Variants in PHACTR2 observed in about 807,000 individuals in gnomAD.
The protein encoded by PHACTR2 is chromosome 6 open reading frame 56.
Under a neutral mutation model 76.0 loss-of-function variants are expected in PHACTR2, and 30 were observed. That is an observed-to-expected ratio of 0.39 (90% CI 0.30 to 0.54). The LOEUF (loss-of-function observed/expected upper bound fraction) is 0.54. PHACTR2 is among the 20% of genes least tolerant of loss of function. The pLI is 0.61. For missense variants in PHACTR2, 696 were observed against 781.1 expected, an observed-to-expected ratio of 0.89 and a Z score of 1.30; for synonymous variants, 292 against 292.5, an observed-to-expected ratio of 1.00 and a Z score of 0.02.
intron 1 of PHACTR2, among the ~76,000 whole-genome samples, chr6:143,706,879 A>G (rs1329107149): frequency 1.3e-5 from 2 of 152,198 alleles, no homozygotes; most frequent in Non-Finnish European, 2.9e-5. Context: ...GGCTTATACC[A>G]TCAGTTCACC....
At chr6:143,694,195 G>C (rs930742550) in intron 1 of PHACTR2, among the ~76,000 whole-genome samples, 2 of 144,678 alleles carry the variant, frequency 1.4e-5, no homozygotes, top group East Asian at 4.1e-4. Context: ...GAGGGAGGGA[G>C]GAAAGGAAGG....
In PHACTR2 at chr6:143,760,668, G is replaced by T. The variant is rs1247137825; in HGVS notation, c.694+28G>T. 1.2e-6 allele frequency: 2 copies of T among 1,612,272 alleles called. No individual in the cohort carries two copies. The highest frequency in any genetic ancestry group is 1.7e-6 in the Non-Finnish European group (2 of 1,179,152). On this transcript the variant is annotated intron_variant, in intron 5 of 12. Coordinates refer to ENST00000440869, the MANE Select transcript of PHACTR2 (RefSeq NM_001100164.2). The surrounding 1 kb of genome is among the most constrained non-coding windows in gnomAD (Gnocchi z 6.4). ...GAGTATGCCCCCAGTGCCCTGTGGG[G>T]TCACTTCTAGGGTGCTTGGCTCTGG...
chr6:143,781,980 C>T (rs1174302852), intron 9 of PHACTR2, among the ~76,000 whole-genome samples: 2 of 152,124 alleles, frequency 1.3e-5, no homozygotes, highest in East Asian at 1.9e-4. Context: ...AGAAGGAAAA[C>T]TGATAGAGAA....
At chr6:143,769,932 G>A (rs1371807542) in intron 6 of PHACTR2, among the ~76,000 whole-genome samples, 3 of 152,082 alleles carry the variant, frequency 2.0e-5, no homozygotes, top group Admixed American at 1.3e-4. Context: ...TCACACTGTG[G>A]AAAACAGTAT....
chr6:143,788,978 C>T (rs1470509217), intron 11 of PHACTR2, 68 bp downstream of exon 11: 4 of 1,433,114 alleles, frequency 2.8e-6, no homozygotes, highest in Non-Finnish European at 3.9e-6. Flanking sequence ...CCACATCCCC[C>T]CTACTTAAGT....
At chr6:143,604,042 G>T (rs149345341), upstream of PHACTR2, among the ~76,000 whole-genome samples, 1,590 of 149,142 alleles carry the variant, frequency 0.011, 27 homozygotes, top group African/African-American at 0.037. Flanking sequence ...AGGTTGCAGT[G>T]AGCCGAGATC....
At position 143,678,292 on chromosome 6, in the gene PHACTR2, G is replaced by C. The variant is rs1367965975; in HGVS notation, c.46+83G>C. ...GGCCCCGGGGCAGGCAGGGTTAGTC[G>C]TCTGGTCGGGTTCCGCTCGGACCCG... On this transcript the variant is annotated intron_variant, in intron 1 of 12. Coordinates refer to ENST00000440869, the MANE Select transcript of PHACTR2 (RefSeq NM_001100164.2). This position sits in a 1 kb window ranked among gnomAD's most constrained non-coding sequence, Gnocchi z 6.2. 1.6e-6 allele frequency: 2 copies of C among 1,286,490 alleles called. No homozygotes were observed. Among genetic ancestry groups the C allele is most frequent in the Non-Finnish European group, 2.0e-6 (2 of 984,606 alleles). 79.7% of individuals were successfully genotyped at this position (1,286,490 alleles called of 1,614,324 possible).
In PHACTR2 at chr6:143,623,577, A is replaced by T. The variant is rs1166189967; in HGVS notation, c.13+15255A>T. 2.0e-5 allele frequency among the ~76,000 whole-genome samples: 3 copies of T among 152,078 alleles called. No individual in the cohort carries two copies. The highest frequency in any genetic ancestry group is 6.6e-5 in the Admixed American group (1 of 15,262). ...GCAACAGAGTGAGACTCTGACTCGA[A>T]ATAATAATAATAGTAATAATAATAA... On this transcript the variant is annotated intron_variant, in intron 1 of 11. Coordinates refer to the PHACTR2 transcript ENST00000305766. This position sits in a 1 kb window ranked among gnomAD's most constrained non-coding sequence, Gnocchi z 5.9.
In PHACTR2 at chr6:143,764,415, G is replaced by A. The variant is rs1366450339; in HGVS notation, c.695-846G>A. On this transcript the variant is annotated intron_variant, in intron 5 of 12. Coordinates refer to ENST00000440869, the MANE Select transcript of PHACTR2 (RefSeq NM_001100164.2). This position sits in a 1 kb window ranked among gnomAD's most constrained non-coding sequence, Gnocchi z 4.7. ...ACACACCTGTAGTCCCAGCTACTCA[G>A]GAGGCTAAGGCAGGAGGATCACTTG... 6.6e-6 allele frequency among the ~76,000 whole-genome samples: 1 copy of A among 151,930 alleles called. No homozygotes were observed. Among genetic ancestry groups the A allele is most frequent in the African/African-American group, 2.4e-5 (1 of 41,328 alleles).
rs1481880046 is a variant in PHACTR2 at position 143,829,542 on chromosome 6, A to G, written c.*5853A>G. The G allele has an allele frequency of 2.0e-5, 3 of 152,244 alleles. No homozygotes were observed. The highest frequency in any genetic ancestry group is 2.9e-5 in the Non-Finnish European group (2 of 68,030). 9.4% of individuals were successfully genotyped at this position (152,244 alleles called of 1,614,324 possible). The stretch of plus-strand genomic sequence containing the variant: ...AAAATGTGGATTAACTGTGGGTTGC[A>G]TGCCTGTTGTTCATACTTCAGTGAT... On this transcript the variant is annotated 3_prime_UTR_variant, in exon 13 of 13. Coordinates refer to ENST00000440869, the MANE Select transcript of PHACTR2 (RefSeq NM_001100164.2).
intron 11 of PHACTR2, among the ~76,000 whole-genome samples, chr6:143,797,527 A>C (rs1204073313): frequency 6.6e-6 from 1 of 152,164 alleles, no homozygotes; most frequent in East Asian, 1.9e-4. Context: ...GTTTTCTTCT[A>C]GGATTTTTAT....
At position 143,648,436 on chromosome 6, in the gene PHACTR2, G is replaced by T. The variant is rs192456436; in HGVS notation, c.13+40114G>T. 1.7e-3 allele frequency among the ~76,000 whole-genome samples: 255 copies of T among 152,270 alleles called. 1 individual carries two copies. The highest frequency in any genetic ancestry group is 5.9e-3 in the African/African-American group (244 of 41,550). On this transcript the variant is annotated intron_variant, in intron 1 of 11. Transcript: ENST00000305766. The surrounding 1 kb of genome is among the most constrained non-coding windows in gnomAD (Gnocchi z 6.7). ...GTAGAAAATGGATCTGACTGTCTCT[G>T]CACTGGGAGTCCCTGGGAGGGGGGG...
chr6:143,729,632 T>C (rs745358602), intron 2 of PHACTR2, among the ~76,000 whole-genome samples: 12 of 152,188 alleles, frequency 7.9e-5, no homozygotes, highest in Non-Finnish European at 1.8e-4. Flanking sequence ...GTTTTAAAAA[T>C]CAATAAGCAT....
chr6:143,743,267 G>T lies in PHACTR2; in HGVS notation c.215-5718G>T, dbSNP rs1341565704. On this transcript the variant is annotated intron_variant, in intron 2 of 12. Coordinates refer to ENST00000440869, the MANE Select transcript of PHACTR2 (RefSeq NM_001100164.2). The surrounding 1 kb of genome is among the most constrained non-coding windows in gnomAD (Gnocchi z 5.0). The stretch of plus-strand genomic sequence containing the variant: ...ACCGCAGATGTTTAGGAAATGGCAA[G>T]AAGTAAAGTTTGACTTTAACACCAG... Among the ~76,000 whole-genome samples, 1 of 152,208 alleles carries T rather than the reference G, an allele frequency of 6.6e-6. No individual in the cohort carries two copies. Among genetic ancestry groups the T allele is most frequent in the Non-Finnish European group, 1.5e-5 (1 of 68,032 alleles).
chr6:143,627,111 CT>C lies in PHACTR2; in HGVS notation c.13+18791del, dbSNP rs1776275405. Among the ~76,000 whole-genome samples, 2 of 152,152 alleles carry C rather than the reference CT, an allele frequency of 1.3e-5. No individual in the cohort carries two copies. The highest frequency in any genetic ancestry group is 1.3e-4 in the Admixed American group (2 of 15,274). The stretch of plus-strand genomic sequence containing the variant: ...CCGATGAGACATAGAACTGGAAGTG[CT>C]TAGGTATCTATGAACCAAACAAGTT... On this transcript the variant is annotated intron_variant, in intron 1 of 11. Transcript: ENST00000305766. The surrounding 1 kb of genome is among the most constrained non-coding windows in gnomAD (Gnocchi z 4.3).
chr6:143,605,114 C>T (rs551267385), upstream of PHACTR2, among the ~76,000 whole-genome samples: 6 of 151,944 alleles, frequency 3.9e-5, no homozygotes, highest in Admixed American at 2.6e-4. The surrounding 1 kb of genome is among the most constrained non-coding windows in gnomAD (Gnocchi z 5.0). Context: ...TACAACCAAC[C>T]CCAGGCAAAC....
upstream of PHACTR2, chr6:143,677,910 C>G (rs1008458321): frequency 2.8e-5 from 18 of 632,770 alleles, no homozygotes; most frequent in African/African-American, 2.0e-4. Flanking sequence ...CCCTCACCCC[C>G]CTTCTTCCCC....
chr6:143,807,536 G>A lies in PHACTR2; in HGVS notation c.1922+403G>A, dbSNP rs922752322. ...GGGCTACATTTTGGTTCCTTTCTTC[G>A]TTTTTTTCTGGGTCTGAAGACATCA... On this transcript the variant is annotated intron_variant, in intron 12 of 12. Coordinates refer to ENST00000440869, the MANE Select transcript of PHACTR2 (RefSeq NM_001100164.2). The surrounding 1 kb of genome is among the most constrained non-coding windows in gnomAD (Gnocchi z 5.5). Among the ~76,000 whole-genome samples the A allele has an allele frequency of 6.6e-5, 10 of 152,072 alleles. No individual in the cohort carries two copies. The East Asian group carries it at 9.6e-4, about 15-fold the overall frequency.
Position 143,710,047 on chromosome 6 carries a change from G to A in PHACTR2, c.47-1969G>A, listed in dbSNP as rs1444600692. ...ATGCATGGTCACAGGTTCTTCTATG[G>A]TGCTCGGCTGTAGTAGAGCAGTTAT... On this transcript the variant is annotated intron_variant, in intron 1 of 12. Coordinates refer to ENST00000440869, the MANE Select transcript of PHACTR2 (RefSeq NM_001100164.2). The surrounding 1 kb of genome is among the most constrained non-coding windows in gnomAD (Gnocchi z 4.9). 2.0e-5 allele frequency among the ~76,000 whole-genome samples: 3 copies of A among 152,104 alleles called. No homozygotes were observed. The highest frequency in any genetic ancestry group is 4.4e-5 in the Non-Finnish European group (3 of 68,028).
Sources: allele counts gnomAD v4.1 joint callset (sites outside exome capture counted in the v4.1 genomes callset), GRCh38; gene constraint gnomAD v4.1.1; non-coding constraint Gnocchi (gnomAD v3.1); transcripts MANE v1.5; gene names NCBI Gene and HGNC (gene_info 2026-07-23, HGNC 2026-07-21).